The following ESR2 variants were observed in gnomAD, a reference collection of about 807,000 sequenced individuals.
The protein encoded by ESR2 is estrogen receptor beta.
In ESR2, 36 loss-of-function variants were observed where a neutral mutation model predicts 49.6. The observed-to-expected ratio is 0.73, with a 90% CI of 0.56 to 0.96. The LOEUF is 0.96. Among genes scored for constraint, ESR2 ranks in the 40% least tolerant of loss-of-function variants. The probability of loss-of-function intolerance (pLI) is 0.00; values close to 1 mark genes in which losing one functional copy is unlikely to be tolerated. For synonymous variants in ESR2, 320 were observed against 266.1 expected, an observed-to-expected ratio of 1.20 and a Z score of -1.97; for missense variants, 714 against 693.0, an observed-to-expected ratio of 1.03 and a Z score of -0.34.
chr14:64,300,681 G>A (rs1432647702), intron 1 of ESR2, among the ~76,000 whole-genome samples: 3 of 152,086 alleles, frequency 2.0e-5, no homozygotes, highest in Non-Finnish European at 4.4e-5. Context: ...ACTTGAGCCT[G>A]GGAGGTTGAG....
At chr14:64,333,115 T>G (rs1258669420) in intron 1 of ESR2, among the ~76,000 whole-genome samples, 2 of 151,950 alleles carry the variant, frequency 1.3e-5, no homozygotes, top group African/African-American at 2.4e-5. Context: ...CTGACCTTGA[T>G]AATCACAAGT....
At chr14:64,302,088 G>T (rs1383668774) in intron 1 of ESR2, among the ~76,000 whole-genome samples, 1 of 152,102 alleles carries the variant, frequency 6.6e-6, no homozygotes, top group Non-Finnish European at 1.5e-5. Flanking sequence ...AATTATAAGA[G>T]TAATTTGCAG....
chr14:64,254,376 G>T (rs1238623996), intron 6 of ESR2, among the ~76,000 whole-genome samples: 4 of 152,096 alleles, frequency 2.6e-5, no homozygotes, highest in Non-Finnish European at 5.9e-5. Flanking sequence ...ATATTCATTT[G>T]TATAAGAGAG....
At chr14:64,323,023 T>C (rs750198657) in intron 1 of ESR2, among the ~76,000 whole-genome samples, 1 of 152,248 alleles carries the variant, frequency 6.6e-6, no homozygotes, top group Admixed American at 6.5e-5. Flanking sequence ...AGTTGCAGAA[T>C]ATTTTTATTA....
chr14:64,332,910 C>T (rs370823529), intron 1 of ESR2, among the ~76,000 whole-genome samples: 22 of 141,874 alleles, frequency 1.6e-4, no homozygotes, highest in African/African-American at 4.4e-4. Context: ...CTCGCTCTGT[C>T]GCCCAGGCTG....
intron 1 of ESR2, among the ~76,000 whole-genome samples, chr14:64,334,309 T>C (rs1054093861): frequency 7.9e-5 from 12 of 152,234 alleles, no homozygotes; most frequent in African/African-American, 2.9e-4. Flanking sequence ...ACGGCCTCTT[T>C]TGAGACACTG....
At chr14:64,289,586 G>A (rs1248443463) in intron 1 of ESR2, among the ~76,000 whole-genome samples, 2 of 151,882 alleles carry the variant, frequency 1.3e-5, no homozygotes, top group Non-Finnish European at 2.9e-5. Context: ...CATCCAAGAA[G>A]ATGAAGCCAG....
At chr14:64,248,759 C>T (rs919621639) in intron 7 of ESR2, among the ~76,000 whole-genome samples, 2 of 152,170 alleles carry the variant, frequency 1.3e-5, no homozygotes, top group Admixed American at 1.3e-4. Flanking sequence ...CCTTTGCTCC[C>T]TGACCTCACG....
At chr14:64,334,846 C>T (rs1359605624) in intron 1 of ESR2, among the ~76,000 whole-genome samples, 3 of 152,178 alleles carry the variant, frequency 2.0e-5, no homozygotes, top group Non-Finnish European at 4.4e-5. Context: ...GGGGTTTCAC[C>T]ATGTTGGCCA....
At chr14:64,283,415 T>C (rs1425710769) in intron 1 of ESR2, among the ~76,000 whole-genome samples, 1 of 151,982 alleles carries the variant, frequency 6.6e-6, no homozygotes, top group Non-Finnish European at 1.5e-5. Context: ...AATAACCAAG[T>C]AAACGCTAAG....
chr14:64,291,754 A>C (rs1002467451), intron 1 of ESR2, among the ~76,000 whole-genome samples: 7 of 152,344 alleles, frequency 4.6e-5, no homozygotes, highest in African/African-American at 1.4e-4. Context: ...CTATGAAGAT[A>C]AATATTTTAC....
chr14:64,303,744 T>C (rs2077056463), intron 1 of ESR2: 2 of 152,320 alleles, frequency 1.3e-5, no homozygotes, highest in African/African-American at 2.4e-5. Context: ...TAATTTCCAA[T>C]AGCAGCACAA....
At chr14:64,297,889 A>G (rs1029876867), upstream of ESR2, among the ~76,000 whole-genome samples, 2 of 152,208 alleles carry the variant, frequency 1.3e-5, no homozygotes, top group African/African-American at 4.8e-5. Context: ...TCTGCTCCAG[A>G]GTGTTATAGG....
chr14:64,242,423 AAAACAAAAC>A (rs1336277132), intron 7 of ESR2, among the ~76,000 whole-genome samples: 1,982 of 120,908 alleles, frequency 0.016, 47 homozygotes, highest in African/African-American at 0.078. Context: ...AAAAACAAAA[AAAACAAAAC>A]AAACAAACAA....
Position 64,333,466 on chromosome 14 carries a change from T to G in ESR2, c.-91+4432A>C, listed in dbSNP as rs115951425. On this transcript the variant is annotated intron_variant, in intron 1 of 8. Transcript: ENST00000358599. ...TAGCTTTTTAGTTCAGACTTCAACT[T>G]TTGCAATGAAATTTCTTTTATGATG... 1.7e-3 allele frequency among the ~76,000 whole-genome samples: 257 copies of G among 152,294 alleles called. 1 individual carries two copies. The highest frequency in any genetic ancestry group is 5.9e-3 in the African/African-American group (244 of 41,548).
intron 1 of ESR2, among the ~76,000 whole-genome samples, chr14:64,319,948 T>C (rs1431813717): frequency 1.3e-5 from 2 of 152,210 alleles, no homozygotes; most frequent in Non-Finnish European, 2.9e-5. Context: ...CCAGGTGAAG[T>C]GAAAATTTAT....
chr14:64,245,372 CG>C (rs2075828904), intron 7 of ESR2, among the ~76,000 whole-genome samples: 1 of 151,670 alleles, frequency 6.6e-6, no homozygotes, highest in African/African-American at 2.4e-5. Flanking sequence ...ATTAGCCAGG[CG>C]TGGTGGTGGG....
chr14:64,292,596 A>G (rs1217114056), intron 1 of ESR2, among the ~76,000 whole-genome samples: 5 of 152,214 alleles, frequency 3.3e-5, no homozygotes, highest in South Asian at 4.1e-4. Flanking sequence ...AAAACTTATC[A>G]TTAAACACTT....
intron 1 of ESR2, among the ~76,000 whole-genome samples, chr14:64,292,376 G>A (rs1299535623): frequency 6.6e-6 from 1 of 152,144 alleles, no homozygotes; most frequent in Non-Finnish European, 1.5e-5. Flanking sequence ...ACTGTTCTGT[G>A]TCATGTGTGC....
Sources: allele counts gnomAD v4.1 joint callset (sites outside exome capture counted in the v4.1 genomes callset), GRCh38; gene constraint gnomAD v4.1.1; transcripts MANE v1.5; gene names NCBI Gene and HGNC (gene_info 2026-07-23, HGNC 2026-07-21).